The following PXDNL variants were observed in gnomAD, a reference collection of about 807,000 sequenced individuals.
PXDNL encodes probable oxidoreductase PXDNL.
In PXDNL, 145 loss-of-function variants were observed where a neutral mutation model predicts 150.8. That is an observed-to-expected ratio of 0.96 (90% CI 0.84 to 1.10). PXDNL has a LOEUF of 1.10. PXDNL is among the 50% of genes least tolerant of loss of function. The pLI, the probability that PXDNL is intolerant of heterozygous loss-of-function variation, is 0.00. For missense variants in PXDNL, 2,087 were observed against 1,873.9 expected, an observed-to-expected ratio of 1.11 and a Z score of -2.10; for synonymous variants, 757 against 725.7, an observed-to-expected ratio of 1.04 and a Z score of -0.69.
intron 5 of PXDNL, 98 bp from the exon 6 acceptor site, chr8:51,483,812 T>C (rs536308394): frequency 2.8e-6 from 2 of 712,218 alleles, no homozygotes; most frequent in South Asian, 3.5e-5. Flanking sequence ...ATACCTTTTT[T>C]GAAATATTTC....
intron 9 of PXDNL, among the ~76,000 whole-genome samples, chr8:51,454,410 C>T (rs1291110025): frequency 1.3e-5 from 2 of 152,312 alleles, no homozygotes; most frequent in East Asian, 1.9e-4. Context: ...GACACAAACA[C>T]ACACACATAG....
In PXDNL at chr8:51,441,901, C is replaced by T. The variant is rs138859264; in HGVS notation, c.1525+5103G>A. ...TACTGGGAGGACTTCAATATGGCCT[C>T]TGAATAATACACACATGAAGCCTGG... is the stretch of plus-strand genomic sequence containing the variant. On this transcript the variant is annotated intron_variant, in intron 12 of 22. Transcript: ENST00000356297. Among the ~76,000 whole-genome samples the T allele has an allele frequency of 3.2e-4, 49 of 152,236 alleles. 1 individual carries two copies. The highest frequency in any genetic ancestry group is 6.8e-3 in the Middle Eastern group (2 of 292).
intron 1 of PXDNL, among the ~76,000 whole-genome samples, chr8:51,795,490 A>T (rs186734582): frequency 1.2e-4 from 19 of 152,308 alleles, no homozygotes; most frequent in African/African-American, 4.6e-4. Context: ...AGATAAAGAA[A>T]CTCATTCAAA....
rs139851606 is a variant in PXDNL, at chr8:51,345,961, A to G, written c.3902-14T>C. On this transcript the variant is annotated splice_polypyrimidine_tract_variant and intron_variant, in intron 19 of 22. Transcript: ENST00000356297. Reference sequence around the variant, plus strand: ...TACTCCTACAGTCTGTGGGGAAAGAAGTAACCACAATAGCATCATGTGAGA... The same window carrying G: ...TACTCCTACAGTCTGTGGGGAAAGAGGTAACCACAATAGCATCATGTGAGA... The G allele has an allele frequency of 1.9e-4, 277 of 1,487,018 alleles. 1 individual carries two copies. The East Asian group carries it at 4.9e-3, about 26-fold the overall frequency. The allele number at this position is 1,487,018 out of a possible 1,614,324, so 92.1% of individuals were successfully genotyped here.
At chr8:51,416,303 A>G (rs1325597144) in intron 14 of PXDNL, among the ~76,000 whole-genome samples, 1 of 152,242 alleles carries the variant, frequency 6.6e-6, no homozygotes, top group African/African-American at 2.4e-5. Context: ...GCTATTCACA[A>G]TGGTGGACAG....
intron 1 of PXDNL, among the ~76,000 whole-genome samples, chr8:51,755,945 T>C (rs1337408951): frequency 6.6e-6 from 1 of 152,162 alleles, no homozygotes; most frequent in African/African-American, 2.4e-5. Flanking sequence ...GCAAAAGTAA[T>C]TGCGGTTTTT....
intron 4 of PXDNL, among the ~76,000 whole-genome samples, chr8:51,555,701 A>T (rs1812584632): frequency 6.6e-6 from 1 of 152,204 alleles, no homozygotes; most frequent in Admixed American, 6.6e-5. Context: ...TGCATTCTAC[A>T]TATCCGAGTT....
chr8:51,434,018 TAAGA>T (rs1809326845), intron 12 of PXDNL, among the ~76,000 whole-genome samples: 1 of 152,206 alleles, frequency 6.6e-6, no homozygotes, highest in Non-Finnish European at 1.5e-5. Flanking sequence ...TCAGCTCTTT[TAAGA>T]TTTTGTCCTT....
intron 4 of PXDNL, among the ~76,000 whole-genome samples, chr8:51,522,700 T>C (rs1811686976): frequency 6.6e-6 from 1 of 151,998 alleles, no homozygotes; most frequent in African/African-American, 2.4e-5. Context: ...AAAAATTACC[T>C]GGGCATTGTG....
chr8:51,632,392 G>A (rs928187818), intron 2 of PXDNL, among the ~76,000 whole-genome samples: 1 of 152,102 alleles, frequency 6.6e-6, no homozygotes, highest in African/African-American at 2.4e-5. Flanking sequence ...CTTGAGCCCA[G>A]GAGTTCAAGA....
At chr8:51,617,887 T>C (rs1026098013) in intron 2 of PXDNL, among the ~76,000 whole-genome samples, 1 of 152,254 alleles carries the variant, frequency 6.6e-6, no homozygotes, top group African/African-American at 2.4e-5. Flanking sequence ...TCCTTCTGCC[T>C]GTAATGGAAA....
intron 1 of PXDNL, among the ~76,000 whole-genome samples, chr8:51,683,638 C>T (rs1031532283): frequency 2.6e-5 from 4 of 152,038 alleles, no homozygotes; most frequent in Non-Finnish European, 4.4e-5. Flanking sequence ...AAGTAAGATC[C>T]TGGACCAAAG....
intron 1 of PXDNL, among the ~76,000 whole-genome samples, chr8:51,800,242 A>G (rs973065971): frequency 1.3e-5 from 2 of 152,130 alleles, no homozygotes; most frequent in African/African-American, 2.4e-5. Flanking sequence ...TGCATGCAAC[A>G]TATTTTATGT....
At chr8:51,635,155 G>A (rs368403473) in intron 2 of PXDNL, among the ~76,000 whole-genome samples, 28 of 151,960 alleles carry the variant, frequency 1.8e-4, no homozygotes, top group Middle Eastern at 3.4e-3. Flanking sequence ...AAATCATGAG[G>A]GAAATTTAAA....
chr8:51,474,449 G>A (rs1369747441), intron 7 of PXDNL, among the ~76,000 whole-genome samples: 6 of 151,984 alleles, frequency 3.9e-5, no homozygotes, highest in Non-Finnish European at 8.8e-5. Flanking sequence ...TAAATCCAAG[G>A]TTTCCATTAT....
chr8:51,646,290 C>T (rs930676761), intron 2 of PXDNL, among the ~76,000 whole-genome samples: 4 of 152,112 alleles, frequency 2.6e-5, no homozygotes, highest in African/African-American at 9.7e-5. Flanking sequence ...AGGAGAGAAG[C>T]CTCGGGAGAA....
intron 1 of PXDNL, among the ~76,000 whole-genome samples, chr8:51,677,922 A>G (rs1021497183): frequency 1.3e-5 from 2 of 152,224 alleles, no homozygotes; most frequent in African/African-American, 2.4e-5. Flanking sequence ...TAGAAGGAAC[A>G]GGGCCTCCTT....
intron 1 of PXDNL, among the ~76,000 whole-genome samples, chr8:51,777,830 GA>G (rs2037368911): frequency 6.6e-6 from 1 of 152,218 alleles, no homozygotes; most frequent in East Asian, 1.9e-4. Flanking sequence ...ATGAACCCGG[GA>G]GGCGGAGGTT....
At chr8:51,471,955 G>T (rs1354830709) in intron 8 of PXDNL, among the ~76,000 whole-genome samples, 1 of 152,140 alleles carries the variant, frequency 6.6e-6, no homozygotes, top group Non-Finnish European at 1.5e-5. Context: ...CTCCCAAAGT[G>T]CTGGGATTAC....
Sources: gnomAD v4.1 joint callset for allele counts (sites outside exome capture counted in the v4.1 genomes callset) on GRCh38, gnomAD v4.1.1 for gene constraint, MANE v1.5 for transcripts, NCBI Gene and HGNC (gene_info 2026-07-23, HGNC 2026-07-21) for gene names.